The following VPS35L variants were observed in gnomAD, a reference collection of about 807,000 sequenced individuals.
The protein encoded by VPS35L is VPS35 endosomal protein-sorting factor-like.
Under a neutral mutation model 133.0 loss-of-function variants are expected in VPS35L, and 83 were observed. That is an observed-to-expected ratio of 0.62 (90% CI 0.52 to 0.75). VPS35L has a LOEUF of 0.75. Ranked by LOEUF, VPS35L falls within the 30% of genes least tolerant of loss-of-function variation. The probability of loss-of-function intolerance (pLI) is 0.00; values close to 1 mark genes in which losing one functional copy is unlikely to be tolerated. For missense variants in VPS35L, 1,083 were observed against 1,206.8 expected, an observed-to-expected ratio of 0.90 and a Z score of 1.52; for synonymous variants, 423 against 449.9, an observed-to-expected ratio of 0.94 and a Z score of 0.76.
chr16:19,650,339 G>T, intron 24 of VPS35L, 43 bp from the exon 25 acceptor site: 1 of 1,457,722 alleles, frequency 6.9e-7, no homozygotes, highest in Non-Finnish European at 9.6e-7. Flanking sequence ...CATCTGAATC[G>T]GCCATCGCTT....
At chr16:19,648,131 T>G (rs1974010550) in intron 24 of VPS35L, among the ~76,000 whole-genome samples, 1 of 152,064 alleles carries the variant, frequency 6.6e-6, no homozygotes, top group African/African-American at 2.4e-5. Context: ...TTTTAAATTT[T>G]GTTTTGTGTT....
At chr16:19,644,068 T>G (rs1973866646) in intron 22 of VPS35L, among the ~76,000 whole-genome samples, 1 of 152,174 alleles carries the variant, frequency 6.6e-6, no homozygotes, top group African/African-American at 2.4e-5. Context: ...ACAAAAACCT[T>G]GACTCCTGTT....
intron 23 of VPS35L, among the ~76,000 whole-genome samples, chr16:19,645,965 G>A (rs926276698): frequency 1.4e-5 from 2 of 146,330 alleles, no homozygotes; most frequent in Non-Finnish European, 3.0e-5. Flanking sequence ...GCTTTTTTTT[G>A]CTGTTTTTTT....
chr16:19,588,693 A>C (rs1462110477), intron 7 of VPS35L, among the ~76,000 whole-genome samples: 1 of 152,144 alleles, frequency 6.6e-6, no homozygotes, highest in Non-Finnish European at 1.5e-5. Context: ...CCATCTGTTG[A>C]TGAGCATCTG....
chr16:19,633,168 C>T lies in VPS35L; in HGVS notation c.1631C>T (p.Pro544Leu), dbSNP rs143313550. ...TPDRAFEDSY[P>L]QLQLIIKKVI... ...GATCGTGCATTTGAAGATTCCTACC[C>T]CCAGGTAACAGATTTGCATTTCTCA... Residue 544 changes from proline (P) to leucine (L), a missense_variant, in exon 19 of 31, where the codon CCC (proline) becomes CTC (leucine). Transcript: ENST00000417362. The surrounding 1 kb of genome is among the most constrained non-coding windows in gnomAD (Gnocchi z 4.1). 2.2e-4 allele frequency: 354 copies of T among 1,613,828 alleles called. No individual in the cohort carries two copies. The highest frequency in any genetic ancestry group is 2.9e-4 in the Non-Finnish European group (345 of 1,179,724).
At chr16:19,693,081 A>G (rs965129768) in intron 29 of VPS35L, among the ~76,000 whole-genome samples, 82 of 152,236 alleles carry the variant, frequency 5.4e-4, no homozygotes, top group Non-Finnish European at 1.3e-4. Flanking sequence ...TGTCCTACTG[A>G]CCCTGGGGAC....
intron 27 of VPS35L, among the ~76,000 whole-genome samples, chr16:19,674,024 A>C (rs899186732): frequency 3.3e-5 from 5 of 152,054 alleles, no homozygotes; most frequent in African/African-American, 1.2e-4. Flanking sequence ...AACTACTCAC[A>C]GATGCTACAG....
intron 8 of VPS35L, 31 bp downstream of exon 8, chr16:19,591,905 A>C: frequency 6.7e-7 from 1 of 1,496,468 alleles, no homozygotes; most frequent in East Asian, 2.3e-5. Flanking sequence ...TCTTAGATCT[A>C]GGAAATGTGT....
At chr16:19,644,349 G>A (rs1597389380) in intron 22 of VPS35L, among the ~76,000 whole-genome samples, 1 of 152,142 alleles carries the variant, frequency 6.6e-6, no homozygotes, top group South Asian at 2.1e-4. Context: ...GATTTCGATG[G>A]TGTATGGGTG....
chr16:19,647,941 C>T, intron 24 of VPS35L, 59 bp downstream of exon 24: 1 of 1,385,318 alleles, frequency 7.2e-7, no homozygotes, highest in Non-Finnish European at 1.0e-6. Flanking sequence ...TCATCTACAT[C>T]CCAATCATTT....
chr16:19,602,791 CAG>C (rs1487323886), intron 9 of VPS35L, among the ~76,000 whole-genome samples: 2 of 152,150 alleles, frequency 1.3e-5, no homozygotes, highest in East Asian at 3.9e-4. Flanking sequence ...TTAGTAGAGA[CAG>C]GGTTTGTACC....
chr16:19,591,981 A>G (rs781187966), intron 8 of VPS35L, 107 bp downstream of exon 8: 114 of 877,342 alleles, frequency 1.3e-4, no homozygotes, highest in Admixed American at 5.8e-4. Flanking sequence ...TTAAGTTATT[A>G]AGTAAGTCAT....
At chr16:19,570,888 TA>T (rs1971360382) in intron 3 of VPS35L, among the ~76,000 whole-genome samples, 1 of 107,576 alleles carries the variant, frequency 9.3e-6, no homozygotes, top group Non-Finnish European at 1.8e-5. Context: ...TATATATATA[TA>T]TTTTTGAGAT....
At chr16:19,650,772 A>G (rs544153221) in intron 25 of VPS35L, among the ~76,000 whole-genome samples, 1 of 152,204 alleles carries the variant, frequency 6.6e-6, no homozygotes, top group East Asian at 1.9e-4. Flanking sequence ...GACATATTTT[A>G]TAACATTATA....
chr16:19,669,523 CA>C (rs1451799122), intron 27 of VPS35L, among the ~76,000 whole-genome samples: 4 of 152,272 alleles, frequency 2.6e-5, no homozygotes, highest in Non-Finnish European at 5.9e-5. Flanking sequence ...GCTGCTATTA[CA>C]AAGTGCCATA....
chr16:19,609,677 T>TCA (rs1463997306), intron 11 of VPS35L, among the ~76,000 whole-genome samples: 3 of 152,150 alleles, frequency 2.0e-5, no homozygotes, highest in African/African-American at 7.2e-5. Flanking sequence ...AGTGACTGAT[T>TCA]CATGGTGCTC....
chr16:19,599,566 C>T (rs1024742926), intron 8 of VPS35L, among the ~76,000 whole-genome samples: 3 of 150,686 alleles, frequency 2.0e-5, no homozygotes, highest in African/African-American at 7.4e-5. Context: ...GACAGTGTCT[C>T]ACTCTGTTGC....
intron 9 of VPS35L, among the ~76,000 whole-genome samples, chr16:19,602,540 T>A (rs1052747661): frequency 2.0e-5 from 3 of 151,982 alleles, no homozygotes; most frequent in Non-Finnish European, 4.4e-5. Flanking sequence ...TCCCTCCTCC[T>A]CTCCCACCCT....
chr16:19,629,969 T>A, intron 18 of VPS35L, 149 bp downstream of exon 18: 1 of 695,270 alleles, frequency 1.4e-6, no homozygotes, highest in South Asian at 1.9e-5. Context: ...TAAAGCGTGA[T>A]GGAGCATTAA....
Sources: allele counts gnomAD v4.1 joint callset (sites outside exome capture counted in the v4.1 genomes callset), GRCh38; gene constraint gnomAD v4.1.1; non-coding constraint Gnocchi (gnomAD v3.1); transcripts MANE v1.5; gene names NCBI Gene and HGNC (gene_info 2026-07-23, HGNC 2026-07-21).